CDH12: variants seen among roughly 807,000 people sequenced by gnomAD.
CDH12 encodes the protein cadherin 12.
CDH12 carries 41 observed loss-of-function variants against 74.1 expected under a neutral mutation model. The observed-to-expected ratio is 0.55, with a 90% CI of 0.43 to 0.72. The LOEUF is 0.72. CDH12 is among the 30% of genes least tolerant of loss of function. The pLI, the probability that CDH12 is intolerant of heterozygous loss-of-function variation, is 0.00. For missense variants in CDH12, 945 were observed against 977.2 expected (o/e 0.97, Z 0.44); for synonymous variants, 399 against 355.0 (o/e 1.12, Z -1.39).
At chr5:21,854,300 C>A (rs116499119) in intron 7 of CDH12, among the ~76,000 whole-genome samples, 3 of 151,514 alleles carry the variant, frequency 2.0e-5, no homozygotes, top group African/African-American at 7.3e-5. Context: ...CAGGATGTTA[C>A]CATGTATTGT....
rs113379897 is a variant in CDH12 at position 22,239,261 on chromosome 5, A to G, written c.-332-26618T>C. The stretch of plus-strand genomic sequence containing the variant: ...AAACTCCAGGGAAATTTCCCCAGAA[A>G]TTCTAATTGACTGAAATTGAGCATA... On this transcript the variant is annotated intron_variant, in intron 3 of 14. Transcript: ENST00000382254. Among the ~76,000 whole-genome samples, 84 of 152,296 alleles carry G rather than the reference A, an allele frequency of 5.5e-4. 1 individual carries two copies. The highest frequency in any genetic ancestry group is 1.5e-3 in the Admixed American group (23 of 15,298).
chr5:22,582,698 G>T (rs936728250), intron 1 of CDH12, among the ~76,000 whole-genome samples: 18 of 152,078 alleles, frequency 1.2e-4, no homozygotes, highest in African/African-American at 4.3e-4. Context: ...TCATTTCTTT[G>T]TAAGTATAAT....
At chr5:21,882,506 G>C (rs1752405140) in intron 6 of CDH12, 4 of 770,734 alleles carry the variant, frequency 5.2e-6, no homozygotes, top group South Asian at 1.5e-5. Context: ...CTTTTTAAAA[G>C]TGATATATTA....
At chr5:22,191,166 C>G (rs1750252337) in intron 4 of CDH12, among the ~76,000 whole-genome samples, 1 of 152,104 alleles carries the variant, frequency 6.6e-6, no homozygotes, top group East Asian at 1.9e-4. Context: ...TTCCCTTTGC[C>G]TAGAACAGTC....
chr5:21,824,778 C>G (rs1748566105), intron 8 of CDH12, among the ~76,000 whole-genome samples: 1 of 152,104 alleles, frequency 6.6e-6, no homozygotes, highest in African/African-American at 2.4e-5. Context: ...TAGACAGGGA[C>G]TACACATGGC....
chr5:22,415,292 A>C (rs1743335381), intron 2 of CDH12, among the ~76,000 whole-genome samples: 2 of 152,230 alleles, frequency 1.3e-5, no homozygotes, highest in Admixed American at 1.3e-4. Flanking sequence ...CTTAATTTTT[A>C]AAAAGAACAA....
intron 1 of CDH12, among the ~76,000 whole-genome samples, chr5:22,632,972 T>G (rs892156415): frequency 2.5e-4 from 38 of 152,002 alleles, no homozygotes; most frequent in African/African-American, 3.4e-4. Context: ...AATTCTAAAC[T>G]GGTCACATAC....
At chr5:22,574,885 C>A (rs1009827819) in intron 1 of CDH12, among the ~76,000 whole-genome samples, 1 of 152,262 alleles carries the variant, frequency 6.6e-6, no homozygotes, top group Non-Finnish European at 1.5e-5. Context: ...AGTGTTCTAA[C>A]ACCCAAGGCT....
At chr5:21,996,114 T>TG (rs1185262864) in intron 5 of CDH12, among the ~76,000 whole-genome samples, 22 of 81,798 alleles carry the variant, frequency 2.7e-4, no homozygotes, top group African/African-American at 4.9e-4. Context: ...CGTTTTTTTT[T>TG]TTTTTTTTTT....
At chr5:22,761,797 A>G (rs1016169440) in intron 1 of CDH12, among the ~76,000 whole-genome samples, 3 of 152,170 alleles carry the variant, frequency 2.0e-5, no homozygotes, top group African/African-American at 7.2e-5. Context: ...AAAATGTATA[A>G]TAAATCACAA....
intron 4 of CDH12, among the ~76,000 whole-genome samples, chr5:22,116,972 T>C (rs1190377768): frequency 1.3e-5 from 2 of 151,740 alleles, no homozygotes; most frequent in African/African-American, 4.8e-5. Context: ...TCTTTTTTCT[T>C]TTTTCCTGTT....
At chr5:22,794,649 CACAA>C (rs1237964163) in intron 1 of CDH12, among the ~76,000 whole-genome samples, 1 of 152,108 alleles carries the variant, frequency 6.6e-6, no homozygotes, top group South Asian at 2.1e-4. Flanking sequence ...TACAGAAAAA[CACAA>C]ACAAAGGAAT....
chr5:21,955,954 A>C (rs1008454256), intron 6 of CDH12, among the ~76,000 whole-genome samples: 1 of 152,128 alleles, frequency 6.6e-6, no homozygotes, highest in Non-Finnish European at 1.5e-5. Context: ...AGGCAAAATA[A>C]GTTAAAATCA....
chr5:21,937,706 G>A (rs1169511308), intron 6 of CDH12, among the ~76,000 whole-genome samples: 3 of 152,062 alleles, frequency 2.0e-5, no homozygotes, highest in African/African-American at 7.2e-5. Flanking sequence ...GACCAAGTGG[G>A]TCCCACAGGG....
intron 2 of CDH12, among the ~76,000 whole-genome samples, chr5:22,444,708 A>C (rs1277710278): frequency 6.6e-6 from 1 of 152,042 alleles, no homozygotes; most frequent in Admixed American, 6.6e-5. Context: ...ATATATTGAG[A>C]CTTTTAAACA....
intron 4 of CDH12, among the ~76,000 whole-genome samples, chr5:22,202,991 G>T (rs1328768855): frequency 6.6e-6 from 1 of 151,774 alleles, no homozygotes; most frequent in Non-Finnish European, 1.5e-5. Context: ...CATAATAATT[G>T]TGCATAATTA....
rs375233619 is a variant in CDH12, at chr5:21,802,350, C to A, written c.1073G>T (p.Arg358Leu). 1.2e-6 allele frequency: 2 copies of A among 1,613,656 alleles called. No individual in the cohort carries two copies. The highest frequency in any genetic ancestry group is 1.3e-5 in the African/African-American group (1 of 74,828). ...VEASNLHLDHRFHSAGPFKDT... is the reference protein window; with the variant it reads ...VEASNLHLDHLFHSAGPFKDT... The stretch of plus-strand genomic sequence containing the variant: ...TTTGAAAGGGCCCGCCGAGTGAAAC[C>A]GGTGGTCAAGGTGAAGGTTGGAAGC... Residue 358 changes from arginine (R) to leucine (L), a missense_variant, in exon 10 of 15, where the codon CGG (arginine) becomes CTG (leucine). Arg to Leu is a moderately radical substitution (Grantham distance 102). Coordinates refer to ENST00000382254, the MANE Select transcript of CDH12 (RefSeq NM_004061.5).
At chr5:21,996,883 A>C (rs999738762) in intron 5 of CDH12, among the ~76,000 whole-genome samples, 1 of 152,198 alleles carries the variant, frequency 6.6e-6, no homozygotes, top group Non-Finnish European at 1.5e-5. Context: ...TTCAAGCTCC[A>C]GTAGCAACAC....
At chr5:21,816,728 A>G (rs1485939356) in intron 9 of CDH12, among the ~76,000 whole-genome samples, 2 of 150,872 alleles carry the variant, frequency 1.3e-5, no homozygotes, top group Non-Finnish European at 3.0e-5. Context: ...CTTCTGGTCA[A>G]GAGTAAGCTA....
Sources: gnomAD v4.1 joint callset for allele counts (sites outside exome capture counted in the v4.1 genomes callset) on GRCh38, gnomAD v4.1.1 for gene constraint, MANE v1.5 for transcripts, NCBI Gene and HGNC (gene_info 2026-07-23, HGNC 2026-07-21) for gene names.